The following FAR1 variants were observed in gnomAD, a reference collection of about 807,000 sequenced individuals.
FAR1 encodes male sterility domain-containing protein 2.
FAR1 carries 22 observed loss-of-function variants against 61.1 expected under a neutral mutation model. That is an observed-to-expected ratio of 0.36 (90% CI 0.26 to 0.51). The LOEUF is 0.51. Among genes scored for constraint, FAR1 ranks in the 20% least tolerant of loss-of-function variants. The probability of loss-of-function intolerance (pLI) is 0.95; values close to 1 mark genes in which losing one functional copy is unlikely to be tolerated. For missense variants in FAR1, 359 were observed against 626.9 expected (o/e 0.57, Z 4.56); for synonymous variants, 206 against 209.7 (o/e 0.98, Z 0.15).
chr11:13,675,428 C>CT (rs1224565818), intron 1 of FAR1, among the ~76,000 whole-genome samples: 4 of 152,160 alleles, frequency 2.6e-5, no homozygotes, highest in Non-Finnish European at 5.9e-5. Flanking sequence ...GTTAGGAAAT[C>CT]TAATTTTGGC....
At chr11:13,705,323 G>C (rs2134187452) in intron 3 of FAR1, among the ~76,000 whole-genome samples, 1 of 152,112 alleles carries the variant, frequency 6.6e-6, no homozygotes, top group Non-Finnish European at 1.5e-5. Flanking sequence ...AACACAGTTA[G>C]GTTAACTAGC....
At chr11:13,708,396 G>A (rs1484213020) in intron 4 of FAR1, among the ~76,000 whole-genome samples, 2 of 148,306 alleles carry the variant, frequency 1.3e-5, no homozygotes, top group Non-Finnish European at 3.0e-5. Flanking sequence ...TTGGATTCAA[G>A]TCCCTCCCTC....
At chr11:13,671,068 C>T (rs993193934) in intron 1 of FAR1, among the ~76,000 whole-genome samples, 3 of 152,130 alleles carry the variant, frequency 2.0e-5, no homozygotes, top group African/African-American at 7.2e-5. Context: ...TTTGTGAAAG[C>T]GATTTCTTAG....
intron 8 of FAR1, among the ~76,000 whole-genome samples, chr11:13,713,314 C>A (rs1430418473): frequency 7.6e-6 from 1 of 130,720 alleles, no homozygotes; most frequent in East Asian, 2.7e-4. Context: ...CTCGTAGATA[C>A]CTATGGCATG....
At chr11:13,723,172 C>G (rs576296662) in intron 10 of FAR1, among the ~76,000 whole-genome samples, 1 of 151,578 alleles carries the variant, frequency 6.6e-6, no homozygotes, top group Non-Finnish European at 1.5e-5. Context: ...CAAGACCAGC[C>G]TGGGCAATGT....
intron 1 of FAR1, among the ~76,000 whole-genome samples, chr11:13,676,081 C>T (rs1848065193): frequency 6.6e-6 from 1 of 152,130 alleles, no homozygotes; most frequent in South Asian, 2.1e-4. Flanking sequence ...AGGCAGAAAG[C>T]ATACTGCTAA....
rs34685022 is a variant in FAR1 at position 13,712,291 on chromosome 11, G to GA, written c.887+258dup. Among the ~76,000 whole-genome samples, 9,515 of 130,984 alleles carry GA rather than the reference G, an allele frequency of 0.073. 359 individuals are homozygous for GA. The highest frequency in any genetic ancestry group is 0.13 in the African/African-American group (4,602 of 36,288). The allele number at this position is 130,984 out of a possible 152,430, so 85.9% of individuals were successfully genotyped here. The stretch of plus-strand genomic sequence containing the variant: ...AGGATAGACAAGTTCACTTAAAAAT[G>GA]AAAAAAAAAAAAATACCCTCCCCTA... On this transcript the variant is annotated intron_variant, in intron 7 of 11. Coordinates refer to ENST00000354817, the MANE Select transcript of FAR1 (RefSeq NM_032228.6).
chr11:13,694,897 G>A lies in FAR1; in HGVS notation c.132G>A (p.Val44=), dbSNP rs1372047539. The A allele has an allele frequency of 6.2e-7, 1 of 1,614,066 alleles. No homozygotes were observed. Among genetic ancestry groups the A allele is most frequent in the South Asian group, 1.1e-5 (1 of 91,078 alleles). Residue 44 remains valine (V), a synonymous_variant, in exon 2 of 12, where the codon GTG becomes GTA. Coordinates refer to ENST00000354817, the MANE Select transcript of FAR1 (RefSeq NM_032228.6). ...CPKVNSVYVL[V]RQKAGQTPQE... ...AGGTGAATTCAGTATATGTTTTGGT[G>A]AGGCAGAAAGCTGGACAGACACCAC...
intron 1 of FAR1, among the ~76,000 whole-genome samples, chr11:13,677,455 G>A (rs986630813): frequency 1.3e-5 from 2 of 152,212 alleles, no homozygotes; most frequent in Non-Finnish European, 2.9e-5. Context: ...TTTGAGAAGA[G>A]AGTTTGTTAT....
At chr11:13,724,398 A>G (rs529054992) in intron 10 of FAR1, among the ~76,000 whole-genome samples, 2 of 151,910 alleles carry the variant, frequency 1.3e-5, no homozygotes, top group African/African-American at 2.4e-5. Flanking sequence ...AAAAAAAGAA[A>G]AATTAGCCAG....
chr11:13,691,685 G>A lies in FAR1; in HGVS notation c.-7-3074G>A, dbSNP rs373127042. ...TATATTTTTGAGGTTCATCCATGTT[G>A]TAGTAAGTATCAGAACTTTGTTCTT... is the stretch of plus-strand genomic sequence containing the variant. On this transcript the variant is annotated intron_variant, in intron 1 of 11. Coordinates refer to ENST00000354817, the MANE Select transcript of FAR1 (RefSeq NM_032228.6). 2.1e-4 allele frequency among the ~76,000 whole-genome samples: 32 copies of A among 152,296 alleles called. No individual in the cohort carries two copies. In the South Asian group the frequency reaches 6.0e-3, roughly 29 times the overall value.
At chr11:13,689,564 T>C (rs1848225012) in intron 1 of FAR1, among the ~76,000 whole-genome samples, 1 of 152,208 alleles carries the variant, frequency 6.6e-6, no homozygotes, top group African/African-American at 2.4e-5. Context: ...TTGGGTTTTA[T>C]TTTGGGCCAA....
intron 1 of FAR1, among the ~76,000 whole-genome samples, chr11:13,674,920 A>C (rs569620378): frequency 6.6e-6 from 1 of 152,204 alleles, no homozygotes; most frequent in African/African-American, 2.4e-5. Flanking sequence ...GCAAGCTTCT[A>C]AACTTTGTAT....
intron 3 of FAR1, among the ~76,000 whole-genome samples, chr11:13,703,691 A>T (rs1207848673): frequency 2.6e-5 from 4 of 152,210 alleles, no homozygotes. Context: ...GGTGGTTCCT[A>T]AATCTTGAGA....
chr11:13,707,877 T>A (rs776221568), intron 3 of FAR1, 23 bp from the exon 4 acceptor site: 1 of 1,461,856 alleles, frequency 6.8e-7, no homozygotes, highest in South Asian at 1.5e-5. Context: ...AATTTTCTAT[T>A]GTCACTTTTT....
intron 1 of FAR1, among the ~76,000 whole-genome samples, chr11:13,669,810 C>T (rs1847975718): frequency 6.6e-6 from 1 of 152,038 alleles, no homozygotes; most frequent in African/African-American, 2.4e-5. Flanking sequence ...AGAACTCACT[C>T]CCTCCGAAGT....
intron 1 of FAR1, among the ~76,000 whole-genome samples, chr11:13,683,015 A>G (rs949101115): frequency 1.3e-5 from 2 of 152,180 alleles, no homozygotes; most frequent in African/African-American, 4.8e-5. Context: ...GTAACTTTCT[A>G]TCTGCTGCTT....
At chr11:13,674,211 AG>A (rs748292561) in intron 1 of FAR1, among the ~76,000 whole-genome samples, 13 of 151,602 alleles carry the variant, frequency 8.6e-5, no homozygotes, top group Non-Finnish European at 1.9e-4. Flanking sequence ...CGGGAGGCTG[AG>A]GCAAAAGAAT....
chr11:13,675,522 A>G (rs113427473), intron 1 of FAR1, among the ~76,000 whole-genome samples: 1 of 152,190 alleles, frequency 6.6e-6, no homozygotes, highest in East Asian at 1.9e-4. Flanking sequence ...CATACTGTAG[A>G]TGTTATATCA....
Sources: allele counts gnomAD v4.1 joint callset (sites outside exome capture counted in the v4.1 genomes callset), GRCh38; gene constraint gnomAD v4.1.1; transcripts MANE v1.5; gene names NCBI Gene and HGNC (gene_info 2026-07-23, HGNC 2026-07-21).